Variants in KDM4C observed in about 807,000 individuals in gnomAD.
The protein encoded by KDM4C is lysine demethylase 4C, also known as lysine-specific demethylase 4C.
KDM4C carries 81 observed loss-of-function variants against 129.3 expected under a neutral mutation model. The observed-to-expected ratio is 0.63, with a 90% CI of 0.52 to 0.75. The LOEUF (loss-of-function observed/expected upper bound fraction) is 0.75, where lower values mean the gene tolerates loss of function less well. Among genes scored for constraint, KDM4C ranks in the 30% least tolerant of loss-of-function variants. The probability of loss-of-function intolerance (pLI) is 0.00; values close to 1 mark genes in which losing one functional copy is unlikely to be tolerated. For missense variants in KDM4C, 1,457 were observed against 1,304.0 expected (o/e 1.12, Z -1.81); for synonymous variants, 573 against 456.1 (o/e 1.26, Z -3.26).
intron 5 of KDM4C, 72 bp downstream of exon 5, chr9:6,849,772 A>C: frequency 8.0e-7 from 1 of 1,254,704 alleles, no homozygotes; most frequent in South Asian, 1.5e-5. Flanking sequence ...ATTGAAGAGG[A>C]TTTTGTTCTT....
chr9:7,076,194 A>C (rs568916156), intron 17 of KDM4C, among the ~76,000 whole-genome samples: 3 of 152,156 alleles, frequency 2.0e-5, no homozygotes, highest in Non-Finnish European at 2.9e-5. Context: ...AGAAAAAAAA[A>C]CCCAAAATCT....
At chr9:6,748,895 C>A (rs367805334) in intron 1 of KDM4C, 12 of 963,686 alleles carry the variant, frequency 1.2e-5, no homozygotes, top group East Asian at 2.4e-5. Context: ...CCTGAATCTG[C>A]GATCTATTTT....
At chr9:7,110,426 T>C (rs1479162929) in intron 18 of KDM4C, among the ~76,000 whole-genome samples, 1 of 152,240 alleles carries the variant, frequency 6.6e-6, no homozygotes, top group Non-Finnish European at 1.5e-5. Context: ...TTTATTTTTA[T>C]ATTGTTCTAA....
chr9:7,090,478 A>G (rs1835668324), intron 17 of KDM4C, among the ~76,000 whole-genome samples: 2 of 151,492 alleles, frequency 1.3e-5, no homozygotes, highest in Non-Finnish European at 2.9e-5. Context: ...CCTCTAGTCA[A>G]GTAAATTGCT....
chr9:7,069,043 C>A (rs1587422764), intron 17 of KDM4C, among the ~76,000 whole-genome samples: 1 of 152,084 alleles, frequency 6.6e-6, no homozygotes, highest in Admixed American at 6.5e-5. Flanking sequence ...ACTCTACATT[C>A]TCAGTGGAGC....
At chr9:7,107,889 A>G (rs765269445) in intron 18 of KDM4C, among the ~76,000 whole-genome samples, 1 of 152,178 alleles carries the variant, frequency 6.6e-6, no homozygotes. Flanking sequence ...ATTTCTATCA[A>G]CTAGCACTTG....
In KDM4C at chr9:6,977,167, C is replaced by A. The variant is rs946892355; in HGVS notation, c.922-3758C>A. Among the ~76,000 whole-genome samples the A allele has an allele frequency of 2.6e-5, 4 of 152,254 alleles. No individual in the cohort carries two copies. In the South Asian group the frequency reaches 8.3e-4, roughly 32 times the overall value. On this transcript the variant is annotated intron_variant, in intron 8 of 21. Coordinates refer to ENST00000381309, the MANE Select transcript of KDM4C (RefSeq NM_015061.6). ...TCGTGTCATTTGGACATATTTAAAT[C>A]TTCAAAATAAGAGTTTGCCATCGGC... is the stretch of plus-strand genomic sequence containing the variant.
intron 4 of KDM4C, among the ~76,000 whole-genome samples, chr9:6,832,495 A>G (rs1393357984): frequency 7.8e-6 from 1 of 128,942 alleles, no homozygotes; most frequent in African/African-American, 3.0e-5. Flanking sequence ...GTGCAATCTC[A>G]GCTCACTGCA....
At chr9:7,002,571 C>A (rs948199645) in intron 12 of KDM4C, among the ~76,000 whole-genome samples, 9 of 152,188 alleles carry the variant, frequency 5.9e-5, no homozygotes, top group Non-Finnish European at 1.3e-4. Flanking sequence ...TATGTTCCTT[C>A]TGGTGCCATG....
Position 7,004,407 on chromosome 9 carries a change from C to T in KDM4C, c.1787-7291C>T, listed in dbSNP as rs371948915. Among the ~76,000 whole-genome samples, 10 of 152,178 alleles carry T rather than the reference C, an allele frequency of 6.6e-5. No individual in the cohort carries two copies. The East Asian group carries it at 1.7e-3, about 26-fold the overall frequency. On this transcript the variant is annotated intron_variant, in intron 12 of 21. Transcript: ENST00000381309. ...GAAAACTTAAAAAGCCTCTTTATTC[C>T]AGACATTTAACCTTTTAAATAGAAT...
chr9:6,903,740 C>T (rs1817799684), intron 8 of KDM4C, among the ~76,000 whole-genome samples: 1 of 152,104 alleles, frequency 6.6e-6, no homozygotes, highest in Non-Finnish European at 1.5e-5. Context: ...AATATTACTA[C>T]CCAAATATCC....
chr9:7,146,048 G>C (rs1428938458), intron 19 of KDM4C, among the ~76,000 whole-genome samples: 1 of 152,200 alleles, frequency 6.6e-6, no homozygotes, highest in Non-Finnish European at 1.5e-5. Context: ...TACCAGTGCA[G>C]CCAGGAGGAA....
chr9:6,892,186 T>C (rs565444587), intron 7 of KDM4C, among the ~76,000 whole-genome samples: 13 of 152,300 alleles, frequency 8.5e-5, no homozygotes, highest in African/African-American at 2.9e-4. Context: ...TTTAAAGATA[T>C]AAGGGGTCTA....
intron 2 of KDM4C, among the ~76,000 whole-genome samples, chr9:6,798,658 A>C (rs1483794973): frequency 6.6e-6 from 1 of 152,214 alleles, no homozygotes; most frequent in Non-Finnish European, 1.5e-5. Flanking sequence ...CAGACACAGC[A>C]ACCATCCGAT....
chr9:7,109,622 T>C (rs1230165508), intron 18 of KDM4C, among the ~76,000 whole-genome samples: 1 of 152,194 alleles, frequency 6.6e-6, no homozygotes, highest in East Asian at 1.9e-4. Flanking sequence ...TTTATATCAG[T>C]GGGTAGGACT....
At chr9:7,006,331 T>C (rs945763935) in intron 12 of KDM4C, among the ~76,000 whole-genome samples, 2 of 152,196 alleles carry the variant, frequency 1.3e-5, no homozygotes, top group African/African-American at 4.8e-5. Flanking sequence ...CCTGTGGGGT[T>C]GAGTCTCTTC....
At chr9:6,917,597 C>T (rs928795092) in intron 8 of KDM4C, among the ~76,000 whole-genome samples, 4 of 152,206 alleles carry the variant, frequency 2.6e-5, no homozygotes, top group African/African-American at 9.6e-5. Context: ...TTTCCTATCC[C>T]TAAATTCTAG....
intron 6 of KDM4C, among the ~76,000 whole-genome samples, chr9:6,880,840 G>A (rs191354032): frequency 1.6e-4 from 25 of 152,074 alleles, no homozygotes; most frequent in African/African-American, 5.1e-4. Flanking sequence ...ATCTACTTAC[G>A]TATGGGAAGC....
chr9:6,877,584 T>C (rs1843759611), intron 5 of KDM4C, among the ~76,000 whole-genome samples: 1 of 152,194 alleles, frequency 6.6e-6, no homozygotes, highest in Non-Finnish European at 1.5e-5. Context: ...TAGGGCTTTA[T>C]TGACAGAGTG....
Sources: gnomAD v4.1 joint callset for allele counts (sites outside exome capture counted in the v4.1 genomes callset) on GRCh38, gnomAD v4.1.1 for gene constraint, MANE v1.5 for transcripts, NCBI Gene and HGNC (gene_info 2026-07-23, HGNC 2026-07-21) for gene names.